Variants in RGS22 observed in about 807,000 individuals in gnomAD.
RGS22 encodes regulator of G-protein signaling 22.
Under a neutral mutation model 172.9 loss-of-function variants are expected in RGS22, and 148 were observed. The observed-to-expected ratio is 0.86, with a 90% CI of 0.75 to 0.98. The LOEUF is 0.98. Ranked by LOEUF, RGS22 falls within the 50% of genes least tolerant of loss-of-function variation. RGS22 has a pLI of 0.00. For missense variants in RGS22, 1,347 were observed against 1,440.8 expected (o/e 0.93, Z 1.05); for synonymous variants, 458 against 480.2 (o/e 0.95, Z 0.60).
At position 100,080,190 on chromosome 8, in the gene RGS22, CA is replaced by C. The variant is rs751933624; in HGVS notation, c.282del (p.Val95PhefsTer3). ...TCTTCATCGGGGGCATTCATTTGAACAGGTTTAACCTCATTCTTTCCTTTCC... is the reference window on the plus strand; with the variant it reads ...TCTTCATCGGGGGCATTCATTTGAACGGTTTAACCTCATTCTTTCCTTTCC... ...VVRKGKNEVK[P>X]VQMNAPDEDE... On this transcript the variant is annotated frameshift_variant, in exon 4 of 28. Transcript: ENST00000360863. LOFTEE classifies it high-confidence loss of function. The C allele has an allele frequency of 2.5e-6, 4 of 1,613,632 alleles. No homozygotes were observed. The East Asian group carries it at 8.9e-5, about 36-fold the overall frequency.
chr8:99,974,209 T>G (rs1262707191), intron 23 of RGS22, among the ~76,000 whole-genome samples: 1 of 152,166 alleles, frequency 6.6e-6, no homozygotes, highest in African/African-American at 2.4e-5. Context: ...GGTTATACCC[T>G]TTCAGCAGTC....
At position 100,052,948 on chromosome 8, in the gene RGS22, C is replaced by A; in HGVS notation, c.1543G>T (p.Ala515Ser). The change falls in exon 10 of 28, where the codon GCC becomes TCC. Residue 515 changes from alanine (A) to serine (S), a missense_variant. Coordinates refer to ENST00000360863, the MANE Select transcript of RGS22 (RefSeq NM_015668.5). ...TCAGCACTAGCATATTTTGTTGAGG[C>A]TGAATGAGTAACACAGAATCTTGGT... ...WAPRFCVTHSASTKYASAELK... is the reference protein window; with the variant it reads ...WAPRFCVTHSSSTKYASAELK... 6.2e-7 allele frequency: 1 copy of A among 1,613,900 alleles called. No individual in the cohort carries two copies. The highest frequency in any genetic ancestry group is 8.5e-7 in the Non-Finnish European group (1 of 1,179,952).
chr8:100,009,777 T>A (rs538347038), intron 14 of RGS22, among the ~76,000 whole-genome samples: 1 of 152,184 alleles, frequency 6.6e-6, no homozygotes, highest in Non-Finnish European at 1.5e-5. Flanking sequence ...TTTAAAATAA[T>A]CTTTTAAGAC....
chr8:99,996,387 CAAGA>C, intron 20 of RGS22, 71 bp downstream of exon 20: 2 of 1,285,526 alleles, frequency 1.6e-6, no homozygotes, highest in Non-Finnish European at 2.2e-6. Flanking sequence ...GATTTTTGAA[CAAGA>C]AAGGGAAAGA....
Position 100,006,077 on chromosome 8 carries a change from G to A in RGS22, c.2394C>T (p.Asp798=). ...CCTGTAGCTTTCTGAAGTATGTGGA[G>A]TCTAACTGTCGAGTTTCTTCCACCA... ...VELVEETRQL[D]STYFRKLQAL... Residue 798 remains aspartate, a synonymous_variant, in exon 16 of 28, where the codon GAC becomes GAT. Transcript: ENST00000360863. 4 of 1,613,306 alleles carry A rather than the reference G, an allele frequency of 2.5e-6. No individual in the cohort carries two copies. The South Asian group carries it at 3.3e-5, about 13-fold the overall frequency.
rs370718169 is a variant in RGS22, at chr8:100,043,964, CAAATT to C, written c.1824-2053_1824-2049del. ...TTAGGAATGAAGAACTATATGCAAA[CAAATT>C]AGGTAATTTGATGAAATGAACAAAT... On this transcript the variant is annotated intron_variant, in intron 11 of 27. Coordinates refer to ENST00000360863, the MANE Select transcript of RGS22 (RefSeq NM_015668.5). Among the ~76,000 whole-genome samples the C allele has an allele frequency of 7.1e-3, 1,081 of 152,218 alleles. 11 individuals are homozygous for C. The highest frequency in any genetic ancestry group is 0.025 in the African/African-American group (1,033 of 41,506).
At chr8:100,069,306 T>C (rs1466765664) in intron 6 of RGS22, among the ~76,000 whole-genome samples, 2 of 152,218 alleles carry the variant, frequency 1.3e-5, no homozygotes, top group East Asian at 1.9e-4. Flanking sequence ...ATTTCCACAA[T>C]TGATTAACAA....
chr8:100,062,144 T>C (rs1810186621), intron 9 of RGS22, among the ~76,000 whole-genome samples: 1 of 151,970 alleles, frequency 6.6e-6, no homozygotes, highest in Non-Finnish European at 1.5e-5. Context: ...CTGGGGCCTA[T>C]CAGAGGGTGG....
At chr8:100,093,271 A>G in intron 3 of RGS22, 176 bp downstream of exon 3, 1 of 497,032 alleles carries the variant, frequency 2.0e-6, no homozygotes, top group Non-Finnish European at 3.6e-6. Flanking sequence ...AATAATTTCT[A>G]AATATGATTC....
chr8:100,066,280 G>GT lies in RGS22; in HGVS notation c.610dup (p.Thr204AsnfsTer30). 6.2e-7 allele frequency: 1 copy of GT among 1,613,152 alleles called. No homozygotes were observed. The highest frequency in any genetic ancestry group is 1.7e-4 in the Middle Eastern group (1 of 6,052). ...TTTTGCTAATGCAAACCAATCTTTT[G>GT]TTTGAGTATAGGAAGCCTAGGAAGA... On this transcript the variant is annotated frameshift_variant, in exon 7 of 28. Coordinates refer to ENST00000360863, the MANE Select transcript of RGS22 (RefSeq NM_015668.5). LOFTEE classifies it high-confidence loss of function.
At chr8:99,990,245 CT>C (rs1274245087) in intron 20 of RGS22, among the ~76,000 whole-genome samples, 2 of 152,062 alleles carry the variant, frequency 1.3e-5, no homozygotes, top group Non-Finnish European at 2.9e-5. Context: ...GCACGGTAGC[CT>C]GGGCAACAGA....
intron 14 of RGS22, among the ~76,000 whole-genome samples, chr8:100,015,403 G>A (rs1816837745): frequency 6.6e-6 from 1 of 151,916 alleles, no homozygotes; most frequent in Non-Finnish European, 1.5e-5. Context: ...AGCGATTCTT[G>A]TGTGTCAGCC....
chr8:100,053,059 T>C, intron 9 of RGS22, 83 bp from the exon 10 acceptor site: 1 of 1,232,902 alleles, frequency 8.1e-7, no homozygotes, highest in Non-Finnish European at 1.2e-6. Context: ...ATAATAGCTG[T>C]GCTCACAATT....
chr8:100,051,405 A>G (rs979267516), intron 10 of RGS22, among the ~76,000 whole-genome samples: 2 of 125,556 alleles, frequency 1.6e-5, no homozygotes. Context: ...TTATATATAT[A>G]TTTATTATAT....
chr8:99,972,518 T>C (rs1245371234), intron 23 of RGS22, among the ~76,000 whole-genome samples: 1 of 152,128 alleles, frequency 6.6e-6, no homozygotes, highest in Non-Finnish European at 1.5e-5. Flanking sequence ...AGAGGTCTAA[T>C]ATCCAGAATC....
At chr8:99,976,604 G>A (rs1332609993) in intron 23 of RGS22, among the ~76,000 whole-genome samples, 10 of 151,944 alleles carry the variant, frequency 6.6e-5, no homozygotes, top group Admixed American at 5.9e-4. Flanking sequence ...TTTGTGATCC[G>A]CCCGCCTCGG....
At chr8:100,020,418 T>C (rs1817494285) in intron 14 of RGS22, among the ~76,000 whole-genome samples, 2 of 152,188 alleles carry the variant, frequency 1.3e-5, no homozygotes, top group Non-Finnish European at 2.9e-5. Flanking sequence ...CAGGACCTGG[T>C]GATTCTGGAG....
chr8:100,039,395 T>G (rs1586080541), intron 13 of RGS22, among the ~76,000 whole-genome samples: 1 of 115,388 alleles, frequency 8.7e-6, no homozygotes, highest in African/African-American at 3.3e-5. Context: ...TTTTTTTTTT[T>G]GAGACAGTGT....
intron 23 of RGS22, among the ~76,000 whole-genome samples, chr8:99,966,940 G>A (rs891956830): frequency 7.2e-5 from 11 of 152,152 alleles, no homozygotes; most frequent in Non-Finnish European, 1.3e-4. Context: ...TGGCAAGATG[G>A]CTGAATAGGA....
Sources: gnomAD v4.1 joint callset for allele counts (sites outside exome capture counted in the v4.1 genomes callset) on GRCh38, gnomAD v4.1.1 for gene constraint, MANE v1.5 for transcripts, NCBI Gene and HGNC (gene_info 2026-07-23, HGNC 2026-07-21) for gene names.